TNS4: variants seen among roughly 807,000 people sequenced by gnomAD.
The protein encoded by TNS4 is tensin 4.
TNS4 carries 46 observed loss-of-function variants against 70.4 expected under a neutral mutation model. That is an observed-to-expected ratio of 0.65 (90% confidence interval 0.52 to 0.84). The LOEUF is 0.84. TNS4 is among the 40% of genes least tolerant of loss of function. The pLI, the probability that TNS4 is intolerant of heterozygous loss-of-function variation, is 0.00. For missense variants in TNS4, 863 were observed against 907.0 expected (o/e 0.95, Z 0.62); for synonymous variants, 390 against 366.6 (o/e 1.06, Z -0.73).
At chr17:40,479,619 C>T (rs1713547866) in intron 10 of TNS4, 55 bp downstream of exon 10, 4 of 1,571,674 alleles carry the variant, frequency 2.5e-6, no homozygotes, top group Non-Finnish European at 8.6e-7. Flanking sequence ...CTCAGCTATC[C>T]CCTCCAGCTC....
At position 40,476,248 on chromosome 17, in the gene TNS4, G is replaced by T. The variant is rs1176990239; in HGVS notation, c.*1340C>A. ...GGCTGGGTGGGGGTGGGGTGGGGGT[G>T]GGTGTGGGATAGAGCCCAGCTCCTC... On this transcript the variant is annotated 3_prime_UTR_variant, in exon 13 of 13. Coordinates refer to ENST00000254051, the MANE Select transcript of TNS4 (RefSeq NM_032865.6). The T allele has an allele frequency of 6.7e-6, 1 of 149,122 alleles. No homozygotes were observed. The highest frequency in any genetic ancestry group is 1.5e-5 in the Non-Finnish European group (1 of 67,106). 9.2% of individuals were successfully genotyped at this position (149,122 alleles called of 1,614,324 possible). A position where few individuals can be genotyped will look rare whatever the true frequency, so the allele number is the denominator to read the frequency against.
chr17:40,500,633 T>A (rs534882429), intron 1 of TNS4, among the ~76,000 whole-genome samples: 1 of 152,234 alleles, frequency 6.6e-6, no homozygotes, highest in East Asian at 1.9e-4. Flanking sequence ...TCCGTGTCAT[T>A]GCCAACCTCT....
At chr17:40,485,134 G>C (rs1461817016) in intron 4 of TNS4, 127 bp from the exon 5 acceptor site, 1 of 733,156 alleles carries the variant, frequency 1.4e-6, no homozygotes, top group African/African-American at 1.8e-5. Context: ...CACCATCCCA[G>C]ACCCTAACCC....
chr17:40,500,026 A>T lies in TNS4; in HGVS notation c.-96+1508T>A, dbSNP rs554292007. 2.6e-5 allele frequency among the ~76,000 whole-genome samples: 4 copies of T among 152,306 alleles called. No individual in the cohort carries two copies. In the South Asian group the frequency reaches 6.2e-4, roughly 24 times the overall value. Reference sequence around the variant, plus strand: ...GGGATGTGATAATAACAGACACTGAACACCTTGCATTTTCTCAACAGCTCT... The same window carrying T: ...GGGATGTGATAATAACAGACACTGATCACCTTGCATTTTCTCAACAGCTCT... On this transcript the variant is annotated intron_variant, in intron 1 of 12. Transcript: ENST00000254051.
At chr17:40,483,697 A>T (rs1209792098) in intron 6 of TNS4, among the ~76,000 whole-genome samples, 1 of 152,134 alleles carries the variant, frequency 6.6e-6, no homozygotes, top group Non-Finnish European at 1.5e-5. Context: ...GGCGTCCTTT[A>T]TAAGTAACAC....
At chr17:40,490,941 T>A (rs1057277432) in intron 2 of TNS4, among the ~76,000 whole-genome samples, 2 of 152,198 alleles carry the variant, frequency 1.3e-5, no homozygotes, top group Non-Finnish European at 2.9e-5. Flanking sequence ...CCTACCTGCC[T>A]GCTTTTTGGG....
At chr17:40,499,106 C>T (rs919654084) in intron 1 of TNS4, among the ~76,000 whole-genome samples, 2 of 152,258 alleles carry the variant, frequency 1.3e-5, no homozygotes, top group African/African-American at 4.8e-5. Context: ...GACAGCCCAG[C>T]GCCACACCCT....
Position 40,480,733 on chromosome 17 carries a change from C to CT in TNS4, c.1707dup (p.Asp570ArgfsTer41). 6.3e-7 allele frequency: 1 copy of CT among 1,591,312 alleles called. No homozygotes were observed. Among genetic ancestry groups the CT allele is most frequent in the Non-Finnish European group, 8.5e-7 (1 of 1,171,240 alleles). ...TTCTTCTGGCAGGAGGCTGGGCTGTCTGTAGAGTCCGAGGCCCCATCTGCA... is the reference window on the plus strand; with the variant it reads ...TTCTTCTGGCAGGAGGCTGGGCTGTCTTGTAGAGTCCGAGGCCCCATCTGCA... On this transcript the variant is annotated frameshift_variant, in exon 9 of 13. Transcript: ENST00000254051. LOFTEE classifies it high-confidence loss of function.
intron 2 of TNS4, among the ~76,000 whole-genome samples, chr17:40,493,788 G>A (rs1010500812): frequency 1.3e-5 from 2 of 152,228 alleles, no homozygotes; most frequent in Non-Finnish European, 2.9e-5. Context: ...AGCCCCTTCC[G>A]TGGAGGAAGG....
At position 40,496,286 on chromosome 17, in the gene TNS4, C is replaced by A. The variant is rs765308238; in HGVS notation, c.140G>T (p.Gly47Val). Residue 47 changes from glycine (G) to valine (V), a missense_variant, in exon 2 of 13, where the codon GGC becomes GTC. By Grantham distance (109) the Gly-to-Val change is moderately radical. Coordinates refer to ENST00000254051, the MANE Select transcript of TNS4 (RefSeq NM_032865.6). ...GGCCATCAGGGCCTGGGCTCCCCAG[C>A]CTTCCGTGGTGTAGTAAGAACACTG... ...PPQCSYYTTE[G>V]WGAQALMAPV... The A allele has an allele frequency of 3.1e-6, 5 of 1,610,122 alleles. No individual in the cohort carries two copies. In the African/African-American group the frequency reaches 6.7e-5, roughly 22 times the overall value.
At chr17:40,482,585 G>GAC (rs3833860) in intron 6 of TNS4, among the ~76,000 whole-genome samples, 169 bp from the exon 7 acceptor site, 48,056 of 144,892 alleles carry the variant, frequency 0.33, 8,306 homozygotes, top group Non-Finnish European at 0.41. Flanking sequence ...CTCTACTAAA[G>GAC]ACACACACAC....
chr17:40,496,163 A>C lies in TNS4; in HGVS notation c.263T>G (p.Leu88Trp), dbSNP rs2036140170. 6.2e-7 allele frequency: 1 copy of C among 1,609,930 alleles called. No homozygotes were observed. The highest frequency in any genetic ancestry group is 1.1e-5 in the South Asian group (1 of 90,632). ...CFLPSPGEKA[L>W]GTPEDLDSYI... ...GGAGTCAAGGTCCTCTGGGGTCCCCAAGGCCTTCTCACCAGGGGACGGCAG... is the reference window on the plus strand; with the variant it reads ...GGAGTCAAGGTCCTCTGGGGTCCCCCAGGCCTTCTCACCAGGGGACGGCAG... The change falls in exon 2 of 13, where the codon TTG becomes TGG. Residue 88 changes from leucine (L) to tryptophan (W), a missense_variant. By Grantham distance (61) the Leu-to-Trp change is moderately conservative (BLOSUM62 -2). Coordinates refer to ENST00000254051, the MANE Select transcript of TNS4 (RefSeq NM_032865.6).
chr17:40,484,345 G>A (rs972551842), intron 6 of TNS4, 139 bp downstream of exon 6: 1 of 1,319,056 alleles, frequency 7.6e-7, no homozygotes, highest in African/African-American at 1.5e-5. Context: ...GGAGAACACT[G>A]GGGTGGACGC....
intron 4 of TNS4, among the ~76,000 whole-genome samples, chr17:40,485,902 G>A (rs2035983699): frequency 6.6e-6 from 1 of 152,250 alleles, no homozygotes; most frequent in Non-Finnish European, 1.5e-5. Context: ...CAGATGCAAA[G>A]GCACGCCAGA....
rs376852267 is a variant in TNS4 at position 40,495,943 on chromosome 17, C to G, written c.439+44G>C. On this transcript the variant is annotated intron_variant, in intron 2 of 12. Transcript: ENST00000254051. The stretch of plus-strand genomic sequence containing the variant: ...GGAAAATCCTTCTTCCTCATGAGGT[C>G]TGGCACCAAGCCCCCCTCCTGGTAC... The G allele has an allele frequency of 2.6e-5, 40 of 1,558,396 alleles. No homozygotes were observed. The African/African-American group carries it at 4.9e-4, about 19-fold the overall frequency.
rs767460456 is a variant in TNS4, at chr17:40,482,308, G to A, written c.1594+16C>T. On this transcript the variant is annotated intron_variant, in intron 7 of 12. Transcript: ENST00000254051. Reference sequence around the variant, plus strand: ...GCCCCCCATCCCGGGGGAGCCTGGAGGCTGGGGAGTCTCACCAAAGTAGGG... The same window carrying A: ...GCCCCCCATCCCGGGGGAGCCTGGAAGCTGGGGAGTCTCACCAAAGTAGGG... 5.0e-6 allele frequency: 8 copies of A among 1,614,112 alleles called. No individual in the cohort carries two copies. The South Asian group carries it at 8.8e-5, about 18-fold the overall frequency.
chr17:40,487,250 G>A lies in TNS4; in HGVS notation c.1074C>T (p.Ala358=), dbSNP rs2036001867. 1.2e-6 allele frequency: 2 copies of A among 1,614,208 alleles called. No individual in the cohort carries two copies. The highest frequency in any genetic ancestry group is 1.7e-6 in the Non-Finnish European group (2 of 1,180,026). ...PHSPPLAKEH[A]SSCPPSITNS... The stretch of plus-strand genomic sequence containing the variant: ...TGGTGATGGATGGGGGGCAGCTGCT[G>A]GCATGTTCTTTGGCCAGTGGTGGAG... The change falls in exon 4 of 13, where the codon GCC becomes GCT. Residue 358 remains alanine (A), a synonymous_variant. Coordinates refer to ENST00000254051, the MANE Select transcript of TNS4 (RefSeq NM_032865.6).
At position 40,488,871 on chromosome 17, in the gene TNS4, G is replaced by A. The variant is rs200910076; in HGVS notation, c.538C>T (p.Arg180Cys). 16 of 1,613,432 alleles carry A rather than the reference G, an allele frequency of 9.9e-6. No homozygotes were observed. The highest frequency in any genetic ancestry group is 3.3e-5 in the Admixed American group (2 of 59,958). The change falls in exon 3 of 13, where the codon CGC becomes TGC. Residue 180 changes from arginine to cysteine, a missense_variant. By Grantham distance (180) the Arg-to-Cys change is radical (BLOSUM62 -3). Transcript: ENST00000254051. Reference sequence around the variant, plus strand: ...CTGGAAAGGAGGAGGCCACCACTGCGAAGGGAGCCGAAGGGCGGGGTGACA... The same window carrying A: ...CTGGAAAGGAGGAGGCCACCACTGCAAAGGGAGCCGAAGGGCGGGGTGACA... ...PSVTPPFGSLRSGGLLLSRDV... is the reference protein window; with the variant it reads ...PSVTPPFGSLCSGGLLLSRDV...
At chr17:40,481,241 G>T (rs534758311) in intron 8 of TNS4, among the ~76,000 whole-genome samples, 109 of 152,312 alleles carry the variant, frequency 7.2e-4, no homozygotes, top group African/African-American at 2.6e-3. Context: ...TGTATGCTCT[G>T]GATAGGGCAT....
Sources: allele counts gnomAD v4.1 joint callset (sites outside exome capture counted in the v4.1 genomes callset), GRCh38; gene constraint gnomAD v4.1.1; transcripts MANE v1.5; gene names NCBI Gene and HGNC (gene_info 2026-07-23, HGNC 2026-07-21).